MYSM1: variants seen among roughly 807,000 people sequenced by gnomAD.
MYSM1 encodes the protein Myb like, SWIRM and MPN domains 1, also known as deubiquitinase MYSM1.
MYSM1 carries 51 observed loss-of-function variants against 116.0 expected under a neutral mutation model. The observed-to-expected ratio is 0.44, with a 90% CI of 0.35 to 0.56. The LOEUF (loss-of-function observed/expected upper bound fraction) is 0.56. Among genes scored for constraint, MYSM1 ranks in the 20% least tolerant of loss-of-function variants. The probability of loss-of-function intolerance (pLI) is 0.00; values close to 1 mark genes in which losing one functional copy is unlikely to be tolerated. For missense variants in MYSM1, 900 were observed against 974.9 expected (o/e 0.92, Z 1.02); for synonymous variants, 313 against 315.2 (o/e 0.99, Z 0.07).
At chr1:58,696,983 C>G (rs1037905528) in intron 1 of MYSM1, among the ~76,000 whole-genome samples, 17 of 152,238 alleles carry the variant, frequency 1.1e-4, no homozygotes, top group African/African-American at 3.6e-4. Context: ...CAGACTAGAA[C>G]AGAATGGGGC....
intron 17 of MYSM1, 38 bp downstream of exon 17, chr1:58,665,456 TAAGAG>T (rs1202992484): frequency 4.9e-6 from 7 of 1,438,194 alleles, no homozygotes; most frequent in African/African-American, 1.4e-5. Flanking sequence ...GTCAAAGAAA[TAAGAG>T]TAGAAAGAGG....
chr1:58,684,349 A>G (rs1644793907), intron 7 of MYSM1, among the ~76,000 whole-genome samples: 1 of 152,098 alleles, frequency 6.6e-6, no homozygotes, highest in African/African-American at 2.4e-5. Context: ...GTGGATCACG[A>G]GGTCAGGAGA....
chr1:58,682,199 T>C lies in MYSM1; in HGVS notation c.845A>G (p.Asn282Ser). The change falls in exon 8 of 20, where the codon AAT (asparagine) becomes AGT (serine). Residue 282 changes from asparagine (N) to serine (S), a missense_variant. Coordinates refer to ENST00000472487, the MANE Select transcript of MYSM1 (RefSeq NM_001085487.3). ...TGAAAGTGTTTCATCTTGCTTTTCA[T>C]TTTGAAGACAGCCCCTGGAAGACTT... Reference protein sequence around the residue: ...FSKSSRGCLQNEKQDETLSSS... With the variant: ...FSKSSRGCLQSEKQDETLSSS... The C allele has an allele frequency of 1.9e-6, 3 of 1,613,010 alleles. No individual in the cohort carries two copies. Among genetic ancestry groups the C allele is most frequent in the Non-Finnish European group, 2.5e-6 (3 of 1,179,052 alleles).
rs763075916 is a variant in MYSM1 at position 58,667,032 on chromosome 1, T to C, written c.2031+6A>G. 1.9e-6 allele frequency: 3 copies of C among 1,584,662 alleles called. No homozygotes were observed. Among genetic ancestry groups the C allele is most frequent in the Non-Finnish European group, 2.6e-6 (3 of 1,156,944 alleles). On this transcript the variant is annotated splice_donor_region_variant and intron_variant, in intron 16 of 19. Coordinates refer to ENST00000472487, the MANE Select transcript of MYSM1 (RefSeq NM_001085487.3). ...CATTTACAGAATATAAATATACATGTAATACCTGGTATTTAGCTTGTGTGT... is the reference window on the plus strand; with the variant it reads ...CATTTACAGAATATAAATATACATGCAATACCTGGTATTTAGCTTGTGTGT...
intron 1 of MYSM1, among the ~76,000 whole-genome samples, chr1:58,698,892 ACTAT>A (rs1324101801): frequency 6.6e-6 from 1 of 152,166 alleles, no homozygotes; most frequent in Non-Finnish European, 1.5e-5. Flanking sequence ...TTCTAAACAC[ACTAT>A]CTTAGTGCCT....
At chr1:58,660,191 A>C in intron 19 of MYSM1, 36 bp from the exon 20 acceptor site, 1 of 1,388,084 alleles carries the variant, frequency 7.2e-7, no homozygotes, top group Non-Finnish European at 9.6e-7. Flanking sequence ...TTAAATACAG[A>C]AAAAGTATGA....
intron 1 of MYSM1, among the ~76,000 whole-genome samples, chr1:58,698,072 C>G (rs1190846776): frequency 9.6e-6 from 1 of 103,776 alleles, no homozygotes; most frequent in Admixed American, 1.2e-4. Flanking sequence ...CCACTGGACA[C>G]TATTTATCAG....
rs963193649 is a variant in MYSM1 at position 58,659,286 on chromosome 1, G to A, written c.*711C>T. 6.6e-6 allele frequency: 1 copy of A among 152,086 alleles called. No individual in the cohort carries two copies. The highest frequency in any genetic ancestry group is 2.4e-5 in the African/African-American group (1 of 41,416). The allele number at this position is 152,086 out of a possible 1,614,324, so 9.4% of individuals were successfully genotyped here. ...ATGAGGTTTTATCACACCTACTAAT[G>A]TAAGTGGACTCACAATTGAAGCTAA... On this transcript the variant is annotated 3_prime_UTR_variant, in exon 20 of 20. Transcript: ENST00000472487.
At chr1:58,689,625 C>A (rs1332102333) in intron 5 of MYSM1, 1 of 152,520 alleles carries the variant, frequency 6.6e-6, no homozygotes, top group African/African-American at 2.4e-5. Flanking sequence ...ACTGATGAAG[C>A]TCACTAATTT....
chr1:58,698,418 A>T (rs936282263), intron 1 of MYSM1, among the ~76,000 whole-genome samples: 2 of 151,802 alleles, frequency 1.3e-5, no homozygotes, highest in Non-Finnish European at 2.9e-5. Flanking sequence ...AATATTAATG[A>T]TACTCCTTGG....
rs232790 is a variant in MYSM1, at chr1:58,665,639, G to T, written c.2032-8C>A. On this transcript the variant is annotated splice_region_variant and splice_polypyrimidine_tract_variant and intron_variant, in intron 16 of 19. Coordinates refer to ENST00000472487, the MANE Select transcript of MYSM1 (RefSeq NM_001085487.3). ...TCCTCTGGAGAAGTAACTCTACAAT[G>T]ACAAGAAAAATATAATTAGTTTCAA... 1,325,843 of 1,502,862 alleles carry T rather than the reference G, an allele frequency of 0.88. 585,447 individuals are homozygous for T. Among genetic ancestry groups the T allele is most frequent in the East Asian group, 0.93 (40,762 of 43,980 alleles). 93.1% of individuals were successfully genotyped at this position (1,502,862 alleles called of 1,614,324 possible).
At chr1:58,676,859 G>T in intron 9 of MYSM1, 67 bp downstream of exon 9, 1 of 1,520,552 alleles carries the variant, frequency 6.6e-7, no homozygotes, top group Non-Finnish European at 8.9e-7. Context: ...AACCATCATA[G>T]AAATGAATAA....
Position 58,659,817 on chromosome 1 carries a change from T to C in MYSM1, c.*180A>G. On this transcript the variant is annotated 3_prime_UTR_variant, in exon 20 of 20. Coordinates refer to ENST00000472487, the MANE Select transcript of MYSM1 (RefSeq NM_001085487.3). The stretch of plus-strand genomic sequence containing the variant: ...GTTTGCAGAACACTCTGATAATCAC[T>C]ATATGAAAACAAATTTGTATCTCTT... The C allele has an allele frequency of 4.1e-6, 2 of 490,274 alleles. No homozygotes were observed. The highest frequency in any genetic ancestry group is 7.2e-6 in the Non-Finnish European group (2 of 278,458). 30.4% of individuals were successfully genotyped at this position (490,274 alleles called of 1,614,324 possible).
chr1:58,691,711 C>CA (rs1644908369), intron 3 of MYSM1, among the ~76,000 whole-genome samples: 2 of 151,858 alleles, frequency 1.3e-5, no homozygotes, highest in East Asian at 1.9e-4. Context: ...ACTAAAGATA[C>CA]AAAAAATCAG....
chr1:58,670,304 C>T (rs1644541315), intron 12 of MYSM1, among the ~76,000 whole-genome samples: 1 of 152,130 alleles, frequency 6.6e-6, no homozygotes, highest in South Asian at 2.1e-4. Flanking sequence ...TTAAGAACCA[C>T]GGATATGGAA....
At chr1:58,698,437 A>G (rs913201781) in intron 1 of MYSM1, among the ~76,000 whole-genome samples, 1 of 152,022 alleles carries the variant, frequency 6.6e-6, no homozygotes, top group African/African-American at 2.4e-5. Context: ...GGGGTTGTAT[A>G]AGACAATAAT....
At chr1:58,686,977 AAG>A (rs1553138383) in intron 6 of MYSM1, among the ~76,000 whole-genome samples, 1 of 151,546 alleles carries the variant, frequency 6.6e-6, no homozygotes, top group Non-Finnish European at 1.5e-5. Context: ...AAAAAAAAAA[AAG>A]AAGATAAAAA....
Position 58,682,319 on chromosome 1 carries a change from C to A in MYSM1, c.725G>T (p.Ser242Ile). The A allele has an allele frequency of 6.2e-7, 1 of 1,613,678 alleles. No individual in the cohort carries two copies. ...AGGAAAGTCTAACAAGAGATCACTG[C>A]TAGAATTCTTCTGGGGTGTTTGAGA... ...LSSQTPQKNS[S>I]SDLLLDFPNS... Residue 242 changes from serine (S) to isoleucine (I), a missense_variant, in exon 8 of 20, where the codon AGC (serine) becomes ATC (isoleucine). This residue lies in a region of MYSM1 where 622 missense variants were observed against 623.7 expected (regional missense o/e 1.00). Transcript: ENST00000472487.
At chr1:58,673,274 A>G (rs912097741) in intron 11 of MYSM1, among the ~76,000 whole-genome samples, 1 of 152,346 alleles carries the variant, frequency 6.6e-6, no homozygotes. Flanking sequence ...AACCTCTTCC[A>G]ATAAATGTTT....
Sources: allele counts gnomAD v4.1 joint callset (sites outside exome capture counted in the v4.1 genomes callset), GRCh38; gene constraint gnomAD v4.1.1; regional missense constraint gnomAD v4.1.1; transcripts MANE v1.5; gene names NCBI Gene and HGNC (gene_info 2026-07-23, HGNC 2026-07-21).